The following MAP3K7CL variants were observed in gnomAD, a reference collection of about 807,000 sequenced individuals.
MAP3K7CL encodes the protein MAP3K7 C-terminal-like protein.
A neutral mutation model predicts 18.6 loss-of-function variants in MAP3K7CL; 16 were observed. The observed-to-expected ratio is 0.86, with a 90% confidence interval of 0.58 to 1.31. The LOEUF (loss-of-function observed/expected upper bound fraction) is 1.31, where lower values mean the gene tolerates loss of function less well. Ranked by LOEUF, MAP3K7CL falls within the 50% of genes most tolerant of loss-of-function variation. The pLI is 0.00. For missense variants in MAP3K7CL, 163 were observed against 174.4 expected (o/e 0.93, Z 0.37); for synonymous variants, 65 against 66.8 (o/e 0.97, Z 0.13).
intron 1 of MAP3K7CL, among the ~76,000 whole-genome samples, chr21:29,087,787 G>A (rs1242085718): frequency 1.3e-5 from 2 of 151,802 alleles, no homozygotes; most frequent in African/African-American, 2.4e-5. Flanking sequence ...TAGAGACGGG[G>A]TTTCACTGAG....
chr21:29,173,165 A>G (rs530247152), intron 4 of MAP3K7CL, among the ~76,000 whole-genome samples: 1 of 152,282 alleles, frequency 6.6e-6, no homozygotes, highest in Non-Finnish European at 1.5e-5. Flanking sequence ...GGGGGAACCT[A>G]GGAGGAGAAG....
At chr21:29,107,414 C>T (rs2086342970) in intron 4 of MAP3K7CL, among the ~76,000 whole-genome samples, 1 of 152,184 alleles carries the variant, frequency 6.6e-6, no homozygotes, top group South Asian at 2.1e-4. Context: ...AGTATAGAGA[C>T]TGCCGGCAGC....
intron 3 of MAP3K7CL, among the ~76,000 whole-genome samples, chr21:29,152,798 A>G (rs763546154): frequency 1.2e-4 from 18 of 152,180 alleles, no homozygotes; most frequent in Admixed American, 2.0e-4. Context: ...GTCTAAATAC[A>G]TTTACTATTC....
chr21:29,150,664 T>C (rs2087247751), intron 3 of MAP3K7CL, among the ~76,000 whole-genome samples: 1 of 152,064 alleles, frequency 6.6e-6, no homozygotes, highest in African/African-American at 2.4e-5. Flanking sequence ...AACCCAGCTC[T>C]CCTGGCTTCT....
At chr21:29,174,232 T>G (rs1187041931) in intron 4 of MAP3K7CL, among the ~76,000 whole-genome samples, 1 of 151,934 alleles carries the variant, frequency 6.6e-6, no homozygotes, top group East Asian at 1.9e-4. Context: ...AAGGACAGAG[T>G]TGGGATTCTG....
intron 1 of MAP3K7CL, chr21:29,091,486 A>AT (rs2086026988): frequency 3.0e-6 from 2 of 659,440 alleles, no homozygotes; most frequent in East Asian, 2.7e-5. Context: ...TTTCTTTTTT[A>AT]TTTTTTCAAT....
At chr21:29,152,618 G>A in intron 3 of MAP3K7CL, among the ~76,000 whole-genome samples, 1 of 152,178 alleles carries the variant, frequency 6.6e-6, no homozygotes, top group East Asian at 1.9e-4. Context: ...GCTAGGTATT[G>A]TCAGCCCCGT....
At chr21:29,162,382 T>TA (rs988752111) in intron 4 of MAP3K7CL, among the ~76,000 whole-genome samples, 3 of 151,182 alleles carry the variant, frequency 2.0e-5, no homozygotes, top group Admixed American at 6.6e-5. Flanking sequence ...TATGTTGCAT[T>TA]AAAAAAAATA....
chr21:29,097,990 C>T (rs4555437), intron 4 of MAP3K7CL, among the ~76,000 whole-genome samples: 45,041 of 151,566 alleles, frequency 0.3, 6,880 homozygotes, highest in African/African-American at 0.37. Context: ...CCTAGATTTG[C>T]GCTAATATGA....
chr21:29,086,053 T>C (rs1881326124), intron 1 of MAP3K7CL: 2 of 940,506 alleles, frequency 2.1e-6, no homozygotes, highest in Admixed American at 2.1e-5. Context: ...ACCATTACTG[T>C]TGGCAATCTG....
intron 1 of MAP3K7CL, chr21:29,077,775 C>G (rs890069492): frequency 2.6e-5 from 4 of 152,360 alleles, no homozygotes; most frequent in African/African-American, 9.6e-5. Flanking sequence ...CAACACAAAG[C>G]AATCAAGAGG....
At chr21:29,097,935 T>C (rs2086151673) in intron 4 of MAP3K7CL, among the ~76,000 whole-genome samples, 1 of 152,190 alleles carries the variant, frequency 6.6e-6, no homozygotes, top group Admixed American at 6.5e-5. Flanking sequence ...GTTGTGTCTG[T>C]ATAATTTGAA....
At position 29,102,157 on chromosome 21, in the gene MAP3K7CL, A is replaced by T. The variant is rs569449345; in HGVS notation, c.370+9576A>T. Among the ~76,000 whole-genome samples the T allele has an allele frequency of 2.6e-5, 4 of 152,348 alleles. No homozygotes were observed. In the East Asian group the frequency reaches 7.7e-4, roughly 29 times the overall value. On this transcript the variant is annotated intron_variant, in intron 4 of 6. Transcript: ENST00000286791. The stretch of plus-strand genomic sequence containing the variant: ...GGTGCCCTCTTTGAGCAGAAGAAAG[A>T]CAAAGATTATCTCCTTCTTTAGGGA...
chr21:29,127,929 CTTT>C (rs1247808343), upstream of MAP3K7CL: 1 of 152,202 alleles, frequency 6.6e-6, no homozygotes, highest in Non-Finnish European at 1.5e-5. Flanking sequence ...CTGTATGGTT[CTTT>C]GAGAGCCTGA....
rs752452422 is a variant in MAP3K7CL, at chr21:29,174,904, TC to T, written c.*13del. ...AGGGCTCGTCCTAACTTTAAATTTT[TC>T]AGTGTGAGCATACGAGGCTGATGAC... On this transcript the variant is annotated 3_prime_UTR_variant, in exon 5 of 5. Transcript: ENST00000399928. The T allele has an allele frequency of 6.2e-7, 1 of 1,612,426 alleles. No individual in the cohort carries two copies. Among genetic ancestry groups the T allele is most frequent in the South Asian group, 1.1e-5 (1 of 90,886 alleles).
chr21:29,172,634 T>C (rs1485613770), intron 4 of MAP3K7CL, among the ~76,000 whole-genome samples: 3 of 152,336 alleles, frequency 2.0e-5, no homozygotes, highest in South Asian at 4.1e-4. Flanking sequence ...TGCTTTATAA[T>C]GTATGTAATA....
At chr21:29,088,732 G>A (rs1179311169) in intron 1 of MAP3K7CL, among the ~76,000 whole-genome samples, 1 of 152,066 alleles carries the variant, frequency 6.6e-6, no homozygotes, top group African/African-American at 2.4e-5. Context: ...GTGCATGTGT[G>A]TGTGTTGAAG....
At chr21:29,168,859 C>T (rs2087755125) in intron 4 of MAP3K7CL, among the ~76,000 whole-genome samples, 1 of 152,174 alleles carries the variant, frequency 6.6e-6, no homozygotes, top group African/African-American at 2.4e-5. Flanking sequence ...AAGTAGGTTT[C>T]CCTTGCTGAG....
At chr21:29,086,207 A>G (rs2085923003) in intron 1 of MAP3K7CL, among the ~76,000 whole-genome samples, 1 of 152,258 alleles carries the variant, frequency 6.6e-6, no homozygotes, top group African/African-American at 2.4e-5. Context: ...TATCCTGCGG[A>G]AAAAATAAAC....
Sources: allele counts gnomAD v4.1 joint callset (sites outside exome capture counted in the v4.1 genomes callset), GRCh38; gene constraint gnomAD v4.1.1; transcripts MANE v1.5; gene names NCBI Gene and HGNC (gene_info 2026-07-23, HGNC 2026-07-21).